LRRC4C: variants seen among roughly 807,000 people sequenced by gnomAD.
LRRC4C encodes the protein leucine-rich repeat-containing protein 4C.
LRRC4C carries 5 observed loss-of-function variants against 33.6 expected under a neutral mutation model. The observed-to-expected ratio is 0.15, with a 90% confidence interval of 0.08 to 0.31. The LOEUF is 0.31. Among genes scored for constraint, LRRC4C ranks in the 10% least tolerant of loss-of-function variants. The pLI, the probability that LRRC4C is intolerant of heterozygous loss-of-function variation, is 1.00. For missense variants in LRRC4C, 560 were observed against 796.7 expected, an observed-to-expected ratio of 0.70 and a Z score of 3.58; for synonymous variants, 329 against 302.0, an observed-to-expected ratio of 1.09 and a Z score of -0.93.
rs1393378942 is a variant in LRRC4C, at chr11:40,921,271, AGATTTGAGATAGAAG to A, written c.-407+12349_-407+12363del. ...AGAGAAAGGCAGAAAAGTGGGTCAG[AGATTTGAGATAGAAG>A]GAGAAGGATAAATTTGAAACAGAAA... On this transcript the variant is annotated intron_variant, in intron 2 of 6. Coordinates refer to ENST00000528697, the MANE Select transcript of LRRC4C (RefSeq NM_001258419.2). Among the ~76,000 whole-genome samples, 5 of 152,280 alleles carry A rather than the reference AGATTTGAGATAGAAG, an allele frequency of 3.3e-5. No homozygotes were observed. In the East Asian group the frequency reaches 9.7e-4, roughly 29 times the overall value.
At chr11:40,421,333 G>A (rs1442055270) in intron 3 of LRRC4C, among the ~76,000 whole-genome samples, 1 of 152,220 alleles carries the variant, frequency 6.6e-6, no homozygotes, top group East Asian at 1.9e-4. Flanking sequence ...TTGGGTCAAA[G>A]TCACTGGGCT....
intron 3 of LRRC4C, among the ~76,000 whole-genome samples, chr11:40,495,149 C>T (rs887322293): frequency 6.6e-6 from 1 of 152,012 alleles, no homozygotes. Flanking sequence ...CACTTTATAT[C>T]AAAGCTTAAT....
intron 1 of LRRC4C, among the ~76,000 whole-genome samples, chr11:41,398,408 G>C (rs528733058): frequency 6.6e-6 from 1 of 151,940 alleles, no homozygotes; most frequent in African/African-American, 2.4e-5. Context: ...CTTCAGATAC[G>C]ATTCTTGAAA....
intron 2 of LRRC4C, among the ~76,000 whole-genome samples, chr11:40,789,519 T>C (rs7122681): frequency 0.074 from 11,271 of 152,224 alleles, 487 homozygotes; most frequent in South Asian, 0.12. Context: ...TCTGTTTTAA[T>C]TGACATCCTC....
At chr11:40,331,949 G>A (rs1174975499) in intron 3 of LRRC4C, among the ~76,000 whole-genome samples, 1 of 152,026 alleles carries the variant, frequency 6.6e-6, no homozygotes, top group Non-Finnish European at 1.5e-5. Flanking sequence ...ATATTCTATT[G>A]GTTCAGCTTC....
intron 1 of LRRC4C, among the ~76,000 whole-genome samples, chr11:41,156,092 C>T (rs139121903): frequency 1.2e-4 from 18 of 152,148 alleles, no homozygotes; most frequent in East Asian, 3.9e-4. Context: ...GTAAAACCCA[C>T]GGACCCATCT....
intron 4 of LRRC4C, among the ~76,000 whole-genome samples, chr11:40,283,481 C>T (rs913936564): frequency 6.6e-6 from 1 of 151,704 alleles, no homozygotes; most frequent in African/African-American, 2.4e-5. Flanking sequence ...TGGGTCCCTA[C>T]AGGAAAAATA....
At chr11:40,363,643 A>T (rs1948070951) in intron 3 of LRRC4C, among the ~76,000 whole-genome samples, 1 of 152,120 alleles carries the variant, frequency 6.6e-6, no homozygotes, top group Non-Finnish European at 1.5e-5. Context: ...GATGCATCTC[A>T]TGCTTTTCTC....
intron 3 of LRRC4C, among the ~76,000 whole-genome samples, chr11:40,518,311 G>A (rs757835202): frequency 6.6e-6 from 1 of 152,162 alleles, no homozygotes; most frequent in African/African-American, 2.4e-5. Flanking sequence ...ACTATCATCA[G>A]AGTGAACAGG....
chr11:40,383,658 T>C (rs1948983441), intron 3 of LRRC4C, among the ~76,000 whole-genome samples: 1 of 152,100 alleles, frequency 6.6e-6, no homozygotes, highest in Non-Finnish European at 1.5e-5. Flanking sequence ...ATACCTTCTT[T>C]TTAGAAATGT....
At chr11:40,264,491 G>A (rs1409626592) in intron 4 of LRRC4C, among the ~76,000 whole-genome samples, 1 of 152,178 alleles carries the variant, frequency 6.6e-6, no homozygotes, top group African/African-American at 2.4e-5. Context: ...AAAAAGAAGA[G>A]CTGAAAAAGA....
At chr11:40,597,641 C>G (rs1178017913) in intron 3 of LRRC4C, among the ~76,000 whole-genome samples, 1 of 152,070 alleles carries the variant, frequency 6.6e-6, no homozygotes. Flanking sequence ...TTCAATTATT[C>G]AAACCTTATT....
intron 1 of LRRC4C, among the ~76,000 whole-genome samples, chr11:40,968,266 G>T (rs1032525759): frequency 5.9e-5 from 9 of 152,080 alleles, no homozygotes; most frequent in African/African-American, 2.2e-4. Context: ...TGAAGAAGCT[G>T]CAGAAGAAAA....
At chr11:40,474,198 T>C (rs1366726333) in intron 3 of LRRC4C, among the ~76,000 whole-genome samples, 2 of 151,724 alleles carry the variant, frequency 1.3e-5, no homozygotes, top group African/African-American at 2.4e-5. Flanking sequence ...AAGGCTATAA[T>C]AACCAAAACA....
At chr11:40,259,565 A>G (rs1867518066) in intron 4 of LRRC4C, among the ~76,000 whole-genome samples, 1 of 152,022 alleles carries the variant, frequency 6.6e-6, no homozygotes, top group Non-Finnish European at 1.5e-5. Flanking sequence ...TAAGTCTTTA[A>G]TCCATCTTGA....
chr11:40,973,036 T>C (rs1592229047), intron 1 of LRRC4C, among the ~76,000 whole-genome samples: 1 of 152,146 alleles, frequency 6.6e-6, no homozygotes, highest in Non-Finnish European at 1.5e-5. Flanking sequence ...GTGTGGCTCC[T>C]GCTCCAGTCA....
chr11:40,346,709 T>G (rs539285583), intron 3 of LRRC4C, among the ~76,000 whole-genome samples: 19 of 152,308 alleles, frequency 1.2e-4, no homozygotes, highest in Non-Finnish European at 1.9e-4. Context: ...AAATAAACGT[T>G]TTTTTAAAAG....
chr11:40,243,827 T>A (rs1866115919), intron 4 of LRRC4C, among the ~76,000 whole-genome samples: 1 of 151,316 alleles, frequency 6.6e-6, no homozygotes. Context: ...TAGCTGGGAT[T>A]ATAGGCTCCT....
rs528121025 is a variant in LRRC4C, at chr11:40,284,549, A to C, written c.-176+35079T>G. ...CTTGTTGGATGATATATCTAGAGGA[A>C]GAACGAGTAATAGACTATCTGAGGA... On this transcript the variant is annotated intron_variant, in intron 4 of 6. Coordinates refer to ENST00000528697, the MANE Select transcript of LRRC4C (RefSeq NM_001258419.2). Among the ~76,000 whole-genome samples the C allele has an allele frequency of 2.6e-5, 4 of 152,328 alleles. No individual in the cohort carries two copies. The South Asian group carries it at 8.3e-4, about 32-fold the overall frequency.
Sources: gnomAD v4.1 joint callset for allele counts (sites outside exome capture counted in the v4.1 genomes callset) on GRCh38, gnomAD v4.1.1 for gene constraint, MANE v1.5 for transcripts, NCBI Gene and HGNC (gene_info 2026-07-23, HGNC 2026-07-21) for gene names.